The following LRRIQ3 variants were observed in gnomAD, a reference collection of about 807,000 sequenced individuals.
The protein encoded by LRRIQ3 is leucine-rich repeat and IQ domain-containing protein 3.
A neutral mutation model predicts 59.3 loss-of-function variants in LRRIQ3; 75 were observed. That is an observed-to-expected ratio of 1.26 (90% confidence interval 1.05 to 1.53). The LOEUF (loss-of-function observed/expected upper bound fraction) is 1.53. Ranked by LOEUF, LRRIQ3 falls within the 40% of genes most tolerant of loss-of-function variation. The pLI, the probability that LRRIQ3 is intolerant of heterozygous loss-of-function variation, is 0.00. For synonymous variants in LRRIQ3, 250 were observed against 231.3 expected, an observed-to-expected ratio of 1.08 and a Z score of -0.73; for missense variants, 831 against 710.0, an observed-to-expected ratio of 1.17 and a Z score of -1.94.
intron 5 of LRRIQ3, among the ~76,000 whole-genome samples, chr1:74,099,745 GA>G (rs1231239924): frequency 6.6e-6 from 1 of 152,130 alleles, no homozygotes; most frequent in Non-Finnish European, 1.5e-5. Context: ...TGCAAGGCTG[GA>G]ACAACATATG....
chr1:74,062,454 T>G (rs889051119), intron 6 of LRRIQ3, among the ~76,000 whole-genome samples: 1 of 152,114 alleles, frequency 6.6e-6, no homozygotes, highest in African/African-American at 2.4e-5. Context: ...ACACTGCTGA[T>G]GGAAATGTAA....
chr1:74,110,982 A>G (rs767800576), intron 4 of LRRIQ3, among the ~76,000 whole-genome samples: 1 of 152,100 alleles, frequency 6.6e-6, no homozygotes, highest in South Asian at 2.1e-4. Context: ...ACAAAGGGGG[A>G]GCAATAACAA....
In LRRIQ3 at chr1:74,097,429, T is replaced by A. The variant is rs190306452; in HGVS notation, c.867+11965A>T. ...GTGAAAAGACCAAATCTACGTCTCATTGGTGTACCTAAAAGTGACAAGGAG... is the reference window on the plus strand; with the variant it reads ...GTGAAAAGACCAAATCTACGTCTCAATGGTGTACCTAAAAGTGACAAGGAG... On this transcript the variant is annotated intron_variant, in intron 5 of 7. Coordinates refer to ENST00000354431, the MANE Select transcript of LRRIQ3 (RefSeq NM_001105659.2). Among the ~76,000 whole-genome samples, 8 of 152,102 alleles carry A rather than the reference T, an allele frequency of 5.3e-5. No homozygotes were observed. In the South Asian group the frequency reaches 1.7e-3, roughly 32 times the overall value.
chr1:74,160,581 C>T (rs1648603130), intron 3 of LRRIQ3, among the ~76,000 whole-genome samples: 1 of 152,002 alleles, frequency 6.6e-6, no homozygotes, highest in Non-Finnish European at 1.5e-5. Context: ...ATAAATATTA[C>T]ATGAATGTCT....
intron 6 of LRRIQ3, among the ~76,000 whole-genome samples, chr1:74,043,460 T>C (rs1185272630): frequency 6.6e-6 from 1 of 152,020 alleles, no homozygotes; most frequent in Non-Finnish European, 1.5e-5. Flanking sequence ...GTTGGAAAAG[T>C]AAGTAAATTC....
At chr1:74,071,424 A>G (rs79477725) in intron 6 of LRRIQ3, among the ~76,000 whole-genome samples, 8 of 152,260 alleles carry the variant, frequency 5.3e-5, no homozygotes, top group Non-Finnish European at 7.4e-5. Flanking sequence ...AATAAAATGA[A>G]AATATTTTGT....
intron 5 of LRRIQ3, chr1:74,083,035 A>G (rs553038587): frequency 1.3e-5 from 2 of 151,806 alleles, no homozygotes; most frequent in South Asian, 4.2e-4. Context: ...GCCAAATGCC[A>G]CATGTATCTC....
At chr1:74,073,670 A>C (rs1646164007) in intron 6 of LRRIQ3, among the ~76,000 whole-genome samples, 1 of 152,188 alleles carries the variant, frequency 6.6e-6, no homozygotes, top group Non-Finnish European at 1.5e-5. Context: ...GAACTGATGA[A>C]ATAAAGCCAC....
chr1:74,127,115 C>A (rs186276503), intron 4 of LRRIQ3, among the ~76,000 whole-genome samples: 28 of 151,830 alleles, frequency 1.8e-4, no homozygotes, highest in Admixed American at 1.3e-3. Flanking sequence ...ACCTTCTTTG[C>A]CTCCGTTTAT....
intron 6 of LRRIQ3, among the ~76,000 whole-genome samples, chr1:74,051,068 C>G (rs115488289): frequency 6.6e-6 from 1 of 152,130 alleles, no homozygotes; most frequent in African/African-American, 2.4e-5. Flanking sequence ...TACAGAGATG[C>G]ACAGGCGTTA....
rs569634024 is a variant in LRRIQ3 at position 74,060,194 on chromosome 1, C to T, written c.997+14467G>A. Among the ~76,000 whole-genome samples, 13 of 52,300 alleles carry T rather than the reference C, an allele frequency of 2.5e-4. No individual in the cohort carries two copies. In the East Asian group the frequency reaches 5.6e-3, roughly 23 times the overall value. The allele number at this position is 52,300 out of a possible 152,430, so 34.3% of individuals were successfully genotyped here. The stretch of plus-strand genomic sequence containing the variant: ...TCATCTTCTTCTTCTTCTTTTTCTT[C>T]TTCTTCTTCTTCTTCTTCTTCTTCT... On this transcript the variant is annotated intron_variant, in intron 6 of 7. Transcript: ENST00000354431.
Position 74,060,004 on chromosome 1 carries a change from G to A in LRRIQ3, c.997+14657C>T, listed in dbSNP as rs371735723. The stretch of plus-strand genomic sequence containing the variant: ...ATATAATTGATTTTCAAATATTTGC[G>A]TATTTTTATACTTCTAGGAAAGTGT... On this transcript the variant is annotated intron_variant, in intron 6 of 7. Transcript: ENST00000354431. 3.1e-3 allele frequency among the ~76,000 whole-genome samples: 477 copies of A among 151,696 alleles called. 4 individuals carry two copies. Among genetic ancestry groups the A allele is most frequent in the South Asian group, 0.031 (150 of 4,810 alleles).
At chr1:74,138,400 G>A (rs1429910046) in intron 4 of LRRIQ3, 1 of 831,198 alleles carries the variant, frequency 1.2e-6, no homozygotes. Context: ...TGCCCAGACT[G>A]TCTCCAAATA....
intron 1 of LRRIQ3, among the ~76,000 whole-genome samples, chr1:74,197,279 G>A (rs1183894824): frequency 6.6e-6 from 1 of 152,116 alleles, no homozygotes; most frequent in Non-Finnish European, 1.5e-5. Flanking sequence ...CAGAGAAATC[G>A]TCTCAAAAAA....
chr1:74,086,688 C>T, intron 5 of LRRIQ3, among the ~76,000 whole-genome samples: 1 of 152,038 alleles, frequency 6.6e-6, no homozygotes, highest in East Asian at 1.9e-4. Flanking sequence ...TGGAAAGCAT[C>T]TTAAAGAAAC....
chr1:74,168,629 T>C (rs1355417614), intron 3 of LRRIQ3, among the ~76,000 whole-genome samples: 2 of 152,070 alleles, frequency 1.3e-5, no homozygotes, highest in Non-Finnish European at 1.5e-5. Context: ...TACCATTTTA[T>C]TTTTTGTTTT....
In LRRIQ3 at chr1:74,181,045, C is replaced by T. The variant is rs146719842; in HGVS notation, c.573+1493G>A. Reference sequence around the variant, plus strand: ...AGAATTTTGTCAGTATTATTTACCACTGAATCTCCAAGTCCCAGACAGTCC... The same window carrying T: ...AGAATTTTGTCAGTATTATTTACCATTGAATCTCCAAGTCCCAGACAGTCC... On this transcript the variant is annotated intron_variant, in intron 3 of 7. Transcript: ENST00000354431. 27 of 442,782 alleles carry T rather than the reference C, an allele frequency of 6.1e-5. No individual in the cohort carries two copies. In the South Asian group the frequency reaches 7.3e-4, roughly 12 times the overall value. The allele number at this position is 442,782 out of a possible 1,614,324, so 27.4% of individuals were successfully genotyped here.
chr1:74,114,248 A>C (rs1372852316), intron 4 of LRRIQ3, among the ~76,000 whole-genome samples: 1 of 152,040 alleles, frequency 6.6e-6, no homozygotes, highest in Non-Finnish European at 1.5e-5. Flanking sequence ...GTTTCTTTAA[A>C]AAGCTTACAG....
chr1:74,034,940 T>C (rs966041958), intron 7 of LRRIQ3, among the ~76,000 whole-genome samples: 3 of 152,014 alleles, frequency 2.0e-5, no homozygotes, highest in Non-Finnish European at 4.4e-5. Flanking sequence ...AATTTGGCCA[T>C]TTGAAATAGC....
Sources: allele counts gnomAD v4.1 joint callset (sites outside exome capture counted in the v4.1 genomes callset), GRCh38; gene constraint gnomAD v4.1.1; transcripts MANE v1.5; gene names NCBI Gene and HGNC (gene_info 2026-07-23, HGNC 2026-07-21).